Variants in FAM76A observed in about 807,000 individuals in gnomAD.
FAM76A encodes the protein family with sequence similarity 76 member A.
In FAM76A, 32 loss-of-function variants were observed where a neutral mutation model predicts 46.2. That is an observed-to-expected ratio of 0.69 (90% confidence interval 0.52 to 0.93). FAM76A has a LOEUF of 0.93. Among genes scored for constraint, FAM76A ranks in the 40% least tolerant of loss-of-function variants. The pLI is 0.00. For synonymous variants in FAM76A, 137 were observed against 127.0 expected, an observed-to-expected ratio of 1.08 and a Z score of -0.53; for missense variants, 274 against 361.5, an observed-to-expected ratio of 0.76 and a Z score of 1.96.
chr1:27,726,707 G>T (rs1000559580), intron 1 of FAM76A, among the ~76,000 whole-genome samples: 5 of 151,652 alleles, frequency 3.3e-5, no homozygotes, highest in African/African-American at 1.2e-4. Context: ...TTTTAAAAAA[G>T]CCCCACAGTC....
At position 27,760,557 on chromosome 1, in the gene FAM76A, G is replaced by A. The variant is rs752239998; in HGVS notation, c.900G>A (p.Lys300=). The change falls in exon 9 of 9, where the codon AAG becomes AAA. Residue 300 remains lysine (K), a synonymous_variant. Transcript: ENST00000373954. ...TGTCCAAGAGCAAGAAGTCAGAGAA[G>A]TCAGGAGCTATAACCTCTCCATGAC... ...AALSKSKKSE[K]SGAITSP 2.2e-5 allele frequency: 36 copies of A among 1,612,032 alleles called. 1 individual carries two copies. The East Asian group carries it at 3.3e-4, about 15-fold the overall frequency.
intron 7 of FAM76A, among the ~76,000 whole-genome samples, chr1:27,757,557 G>A (rs2088432158): frequency 6.6e-6 from 1 of 152,086 alleles, no homozygotes. Context: ...TCATAGAGAT[G>A]GGGGTCTCAC....
chr1:27,729,005 A>G (rs529665399), intron 2 of FAM76A, among the ~76,000 whole-genome samples: 9 of 151,444 alleles, frequency 5.9e-5, no homozygotes, highest in Non-Finnish European at 1.3e-4. Flanking sequence ...GAGTGGTCAG[A>G]CATCTTTAGG....
intron 6 of FAM76A, among the ~76,000 whole-genome samples, chr1:27,753,554 T>A (rs1295636474): frequency 6.6e-6 from 1 of 152,242 alleles, no homozygotes; most frequent in Non-Finnish European, 1.5e-5. Flanking sequence ...AGTAATTCCA[T>A]CCATTCATTA....
intron 6 of FAM76A, among the ~76,000 whole-genome samples, chr1:27,749,582 C>T (rs775572444): frequency 3.3e-5 from 5 of 152,148 alleles, no homozygotes; most frequent in African/African-American, 4.8e-5. Flanking sequence ...ACTTGAACTC[C>T]TGGCCTCAAG....
intron 6 of FAM76A, among the ~76,000 whole-genome samples, chr1:27,751,529 G>C (rs1571494835): frequency 6.8e-6 from 1 of 146,578 alleles, no homozygotes; most frequent in Middle Eastern, 3.5e-3. Flanking sequence ...TTTTGAGACA[G>C]GGTCTCACCC....
chr1:27,747,878 CCA>C, intron 5 of FAM76A, among the ~76,000 whole-genome samples: 1 of 151,804 alleles, frequency 6.6e-6, no homozygotes, highest in Non-Finnish European at 1.5e-5. Context: ...CAGGATCGTG[CCA>C]CTGCACTCCA....
At chr1:27,732,491 T>G in intron 2 of FAM76A, 112 bp from the exon 3 acceptor site, 1 of 729,820 alleles carries the variant, frequency 1.4e-6, no homozygotes, top group Non-Finnish European at 2.3e-6. Context: ...TAACCAAGCA[T>G]CCAGACCATA....
At chr1:27,739,132 C>T (rs1209492610) in intron 4 of FAM76A, 4 of 360,180 alleles carry the variant, frequency 1.1e-5, no homozygotes, top group Non-Finnish European at 2.1e-5. Context: ...TTCACCTGGG[C>T]TGTGGAACGC....
intron 2 of FAM76A, among the ~76,000 whole-genome samples, chr1:27,731,029 A>T (rs1307967874): frequency 6.6e-6 from 1 of 152,090 alleles, no homozygotes; most frequent in African/African-American, 2.4e-5. Flanking sequence ...CTTACACATA[A>T]GACATTCATT....
At chr1:27,759,719 C>A (rs549847343) in intron 8 of FAM76A, 92 bp downstream of exon 8, 6 of 776,752 alleles carry the variant, frequency 7.7e-6, no homozygotes, top group African/African-American at 6.2e-5. Context: ...TCTTAGATTT[C>A]TTTTTTTTCT....
chr1:27,754,808 A>G lies in FAM76A; in HGVS notation c.600-387A>G, dbSNP rs191937093. On this transcript the variant is annotated intron_variant, in intron 6 of 8. Coordinates refer to ENST00000373954, the MANE Select transcript of FAM76A (RefSeq NM_152660.3). ...AGAAAAATGCATGAGCTCACAGTTTATAATTTATCTGGAATTCTAAGGAAT... is the reference window on the plus strand; with the variant it reads ...AGAAAAATGCATGAGCTCACAGTTTGTAATTTATCTGGAATTCTAAGGAAT... Among the ~76,000 whole-genome samples, 516 of 152,334 alleles carry G rather than the reference A, an allele frequency of 3.4e-3. 2 individuals carry two copies. Among genetic ancestry groups the G allele is most frequent in the Non-Finnish European group, 4.9e-3 (336 of 68,032 alleles).
At chr1:27,745,127 T>G (rs1011371019) in intron 5 of FAM76A, among the ~76,000 whole-genome samples, 1 of 152,212 alleles carries the variant, frequency 6.6e-6, no homozygotes, top group Non-Finnish European at 1.5e-5. Context: ...TTCTGAGAGA[T>G]ACAGCTTTTT....
At chr1:27,733,491 GTTTA>G in intron 3 of FAM76A, among the ~76,000 whole-genome samples, 1 of 152,198 alleles carries the variant, frequency 6.6e-6, no homozygotes, top group African/African-American at 2.4e-5. Context: ...TTTGTTATTT[GTTTA>G]TTTATTTATT....
chr1:27,753,190 A>C (rs2088358337), intron 6 of FAM76A, among the ~76,000 whole-genome samples: 1 of 152,198 alleles, frequency 6.6e-6, no homozygotes, highest in African/African-American at 2.4e-5. Context: ...AAAGAAAAAA[A>C]GAGAAAAGAG....
chr1:27,757,870 G>C (rs551935119), intron 7 of FAM76A, among the ~76,000 whole-genome samples: 24 of 152,118 alleles, frequency 1.6e-4, no homozygotes, highest in African/African-American at 4.6e-4. Flanking sequence ...CCAGCTACTC[G>C]GGAGGCTGAG....
chr1:27,729,397 C>T (rs906904262), intron 2 of FAM76A, among the ~76,000 whole-genome samples: 5 of 151,684 alleles, frequency 3.3e-5, no homozygotes, highest in African/African-American at 9.7e-5. Context: ...TTAGTAGAGA[C>T]AGGGGTCTTG....
chr1:27,755,720 T>A (rs2148586488), intron 7 of FAM76A, among the ~76,000 whole-genome samples: 1 of 152,250 alleles, frequency 6.6e-6, no homozygotes, highest in South Asian at 2.1e-4. Context: ...ACTACAGGCA[T>A]GTGCCACTGT....
chr1:27,760,496 C>A lies in FAM76A; in HGVS notation c.839C>A (p.Ala280Asp). The A allele has an allele frequency of 6.2e-7, 1 of 1,605,292 alleles. No homozygotes were observed. Among genetic ancestry groups the A allele is most frequent in the Admixed American group, 1.7e-5 (1 of 58,586 alleles). ...THKEVTEQLQ[A>D]KNRELLKQAA... is the part of the protein sequence containing the mutation. ...TGCACTGATTTTTTTTTTCTTTAGG[C>A]CAAAAACCGAGAGCTCCTGAAGCAG... Residue 280 changes from alanine to aspartate, a missense_variant and splice_region_variant, in exon 9 of 9, where the codon GCC (alanine) becomes GAC (aspartate). Transcript: ENST00000373954.
Sources: allele counts gnomAD v4.1 joint callset (sites outside exome capture counted in the v4.1 genomes callset), GRCh38; gene constraint gnomAD v4.1.1; transcripts MANE v1.5; gene names NCBI Gene and HGNC (gene_info 2026-07-23, HGNC 2026-07-21).